Variants in MARCHF1 observed in about 807,000 individuals in gnomAD.
MARCHF1 encodes the protein membrane associated ring-CH-type finger 1.
Under a neutral mutation model 54.2 loss-of-function variants are expected in MARCHF1, and 40 were observed. That is an observed-to-expected ratio of 0.74 (90% CI 0.57 to 0.96). The LOEUF is 0.96. Ranked by LOEUF, MARCHF1 falls within the 40% of genes least tolerant of loss-of-function variation. MARCHF1 has a pLI of 0.00. For missense variants in MARCHF1, 586 were observed against 656.5 expected (o/e 0.89, Z 1.17); for synonymous variants, 236 against 236.3 (o/e 1.00, Z 0.01).
rs140806135 is a variant in MARCHF1 at position 163,847,434 on chromosome 4, G to A, written c.111+6587C>T. Among the ~76,000 whole-genome samples, 20 of 150,602 alleles carry A rather than the reference G, an allele frequency of 1.3e-4. No homozygotes were observed. The East Asian group carries it at 3.7e-3, about 28-fold the overall frequency. On this transcript the variant is annotated intron_variant, in intron 4 of 9. Coordinates refer to ENST00000514618, the MANE Select transcript of MARCHF1 (RefSeq NM_001394959.1). Reference sequence around the variant, plus strand: ...TGTTTTATTTCTAGAGATTGTTTATGTTAAATTAGAAAAATCTTGGCATTT... The same window carrying A: ...TGTTTTATTTCTAGAGATTGTTTATATTAAATTAGAAAAATCTTGGCATTT...
chr4:164,013,899 T>C (rs1753480526), intron 2 of MARCHF1, among the ~76,000 whole-genome samples: 1 of 152,160 alleles, frequency 6.6e-6, no homozygotes. Context: ...GTGTGGTGGC[T>C]CACACCTGTA....
intron 4 of MARCHF1, among the ~76,000 whole-genome samples, chr4:163,728,502 T>C (rs1331676223): frequency 2.0e-5 from 3 of 152,146 alleles, no homozygotes; most frequent in Non-Finnish European, 4.4e-5. Flanking sequence ...TTCACATTGA[T>C]CTTCCCCCCC....
chr4:164,256,086 T>G (rs1733271617), intron 1 of MARCHF1, among the ~76,000 whole-genome samples: 1 of 151,874 alleles, frequency 6.6e-6, no homozygotes, highest in Admixed American at 6.6e-5. Context: ...AGGCTAGAAA[T>G]TGGTGACCAG....
chr4:164,182,761 G>A (rs1730867557), intron 1 of MARCHF1, among the ~76,000 whole-genome samples: 1 of 151,906 alleles, frequency 6.6e-6, no homozygotes, highest in Non-Finnish European at 1.5e-5. Context: ...CAAGACTCCT[G>A]TTATTAGAAA....
At chr4:164,274,237 G>T (rs535228016) in intron 1 of MARCHF1, among the ~76,000 whole-genome samples, 13 of 152,272 alleles carry the variant, frequency 8.5e-5, no homozygotes, top group African/African-American at 2.6e-4. Flanking sequence ...ATAGAAAATC[G>T]TATTTTATAC....
rs189744212 is a variant in MARCHF1 at position 164,148,388 on chromosome 4, T to A, written c.-322-36726A>T. Among the ~76,000 whole-genome samples, 372 of 152,272 alleles carry A rather than the reference T, an allele frequency of 2.4e-3. 5 individuals are homozygous for A. The highest frequency in any genetic ancestry group is 8.7e-3 in the African/African-American group (360 of 41,570). On this transcript the variant is annotated intron_variant, in intron 1 of 9. Coordinates refer to ENST00000514618, the MANE Select transcript of MARCHF1 (RefSeq NM_001394959.1). Reference sequence around the variant, plus strand: ...TACCCCATAGATCTTGGTTAAGTAATCCTTTACTGCTAATGATGGCCAGCC... The same window carrying A: ...TACCCCATAGATCTTGGTTAAGTAAACCTTTACTGCTAATGATGGCCAGCC...
At chr4:163,814,742 C>G (rs1299742283) in intron 4 of MARCHF1, among the ~76,000 whole-genome samples, 1 of 152,130 alleles carries the variant, frequency 6.6e-6, no homozygotes, top group Non-Finnish European at 1.5e-5. Flanking sequence ...TATCATGTGG[C>G]TTTGGACAAA....
At chr4:163,878,050 C>CTATG (rs1750332016) in intron 3 of MARCHF1, among the ~76,000 whole-genome samples, 1 of 152,216 alleles carries the variant, frequency 6.6e-6, no homozygotes, top group Admixed American at 6.5e-5. Context: ...ATGTTTCTCA[C>CTATG]TTTCCCCTTC....
intron 1 of MARCHF1, among the ~76,000 whole-genome samples, chr4:164,263,686 G>A (rs1733529598): frequency 9.0e-6 from 1 of 111,494 alleles, no homozygotes; most frequent in Non-Finnish European, 2.4e-5. Context: ...TGGGCAAAGG[G>A]AACGAACAGA....
chr4:163,997,955 C>T (rs1037877414), intron 2 of MARCHF1, among the ~76,000 whole-genome samples: 1 of 138,118 alleles, frequency 7.2e-6, no homozygotes. Flanking sequence ...CACACACACA[C>T]ACGTAGATTC....
intron 1 of MARCHF1, among the ~76,000 whole-genome samples, chr4:164,160,058 T>C (rs56032959): frequency 0.19 from 28,929 of 152,042 alleles, 4,358 homozygotes; most frequent in African/African-American, 0.41. Context: ...ATTTTTTTTA[T>C]TATTGTTAGA....
intron 5 of MARCHF1, among the ~76,000 whole-genome samples, chr4:163,663,106 A>G (rs1291484154): frequency 1.3e-5 from 2 of 152,064 alleles, no homozygotes; most frequent in Non-Finnish European, 2.9e-5. Flanking sequence ...TTTTTCTTGT[A>G]TACACAGAAT....
At chr4:164,346,667 T>C (rs1730114564) in intron 1 of MARCHF1, among the ~76,000 whole-genome samples, 2 of 122,642 alleles carry the variant, frequency 1.6e-5, no homozygotes, top group Admixed American at 8.5e-5. Flanking sequence ...TATATATATA[T>C]ATGTCCATAT....
chr4:164,241,163 C>A (rs764969287), intron 1 of MARCHF1, among the ~76,000 whole-genome samples: 1 of 152,106 alleles, frequency 6.6e-6, no homozygotes, highest in Non-Finnish European at 1.5e-5. Flanking sequence ...ACCCCCTCAC[C>A]CAGAAACTGA....
intron 9 of MARCHF1, 57 bp from the exon 10 acceptor site, chr4:163,529,103 A>T (rs1300086965): frequency 4.9e-6 from 6 of 1,219,098 alleles, no homozygotes; most frequent in East Asian, 2.6e-5. Context: ...GGATTTGGTC[A>T]TTTTTTTTTT....
At chr4:164,175,260 C>T (rs1405528352) in intron 1 of MARCHF1, among the ~76,000 whole-genome samples, 1 of 152,078 alleles carries the variant, frequency 6.6e-6, no homozygotes, top group Non-Finnish European at 1.5e-5. Flanking sequence ...ATTGAATTAT[C>T]CACAATTGAT....
At chr4:163,618,703 C>T (rs879532986) in intron 5 of MARCHF1, among the ~76,000 whole-genome samples, 1 of 152,100 alleles carries the variant, frequency 6.6e-6, no homozygotes, top group Non-Finnish European at 1.5e-5. Context: ...ACTGTCGATT[C>T]ATTTGCTCAG....
intron 4 of MARCHF1, among the ~76,000 whole-genome samples, chr4:163,828,155 A>G (rs1390757520): frequency 1.3e-5 from 2 of 152,054 alleles, no homozygotes; most frequent in Non-Finnish European, 2.9e-5. Flanking sequence ...TTTGTTTAAT[A>G]GTTGCTCTTC....
intron 1 of MARCHF1, among the ~76,000 whole-genome samples, chr4:164,348,981 C>T (rs1379665072): frequency 6.6e-6 from 1 of 152,088 alleles, no homozygotes; most frequent in Non-Finnish European, 1.5e-5. Context: ...TAAGGGTAAG[C>T]AATGCTTTAT....
Sources: allele counts gnomAD v4.1 joint callset (sites outside exome capture counted in the v4.1 genomes callset), GRCh38; gene constraint gnomAD v4.1.1; transcripts MANE v1.5; gene names NCBI Gene and HGNC (gene_info 2026-07-23, HGNC 2026-07-21).